GUF1: variants seen among roughly 807,000 people sequenced by gnomAD.
The protein encoded by GUF1 is GTP binding elongation factor GUF1.
GUF1 carries 78 observed loss-of-function variants against 82.4 expected under a neutral mutation model. The observed-to-expected ratio is 0.95, with a 90% CI of 0.79 to 1.14. The LOEUF is 1.14. Among genes scored for constraint, GUF1 ranks in the 50% most tolerant of loss-of-function variants. The pLI is 0.00. For synonymous variants in GUF1, 279 were observed against 282.3 expected (o/e 0.99, Z 0.12); for missense variants, 814 against 798.2 (o/e 1.02, Z -0.24).
chr4:44,679,152 C>T (rs745526688), intron 1 of GUF1, among the ~76,000 whole-genome samples: 3 of 152,172 alleles, frequency 2.0e-5, no homozygotes, highest in Non-Finnish European at 4.4e-5. Flanking sequence ...AATTAAGTAG[C>T]TATGTGGCCT....
intron 14 of GUF1, 32 bp from the exon 15 acceptor site, chr4:44,695,583 G>T (rs201184379): frequency 1.2e-4 from 192 of 1,574,658 alleles, no homozygotes; most frequent in East Asian, 6.3e-4. Flanking sequence ...TCTTATTTAG[G>T]ATATATAAAC....
At chr4:44,689,198 A>G in intron 9 of GUF1, 88 bp from the exon 10 acceptor site, 2 of 1,185,408 alleles carry the variant, frequency 1.7e-6, no homozygotes, top group Non-Finnish European at 1.1e-6. Context: ...GTAAATGACT[A>G]ATTTGGAACT....
chr4:44,689,521 G>A, intron 10 of GUF1, 112 bp downstream of exon 10: 1 of 1,152,264 alleles, frequency 8.7e-7, no homozygotes, highest in South Asian at 1.9e-5. Flanking sequence ...AAGTAAGGGA[G>A]GTATAAAATG....
intron 7 of GUF1, 116 bp from the exon 8 acceptor site, chr4:44,686,394 C>T (rs1378888059): frequency 3.6e-6 from 2 of 558,204 alleles, no homozygotes; most frequent in Non-Finnish European, 6.0e-6. Context: ...TTTATTTAGG[C>T]TGTTGTGTAT....
At position 44,680,486 on chromosome 4, in the gene GUF1, T is replaced by A; in HGVS notation, c.211T>A (p.Phe71Ile). ...SRFPVENIRN[F>I]SIVAHVDHGK... ...GTTTCCTGTTGAAAATATTAGAAAT[T>A]TCAGTATTGTTGCACACGTGGATCA... is the stretch of plus-strand genomic sequence containing the variant. Residue 71 changes from phenylalanine to isoleucine, a missense_variant, in exon 2 of 17, where the codon TTC becomes ATC. By Grantham distance (21) the Phe-to-Ile change is conservative. Transcript: ENST00000281543. 1 of 1,608,650 alleles carries A rather than the reference T, an allele frequency of 6.2e-7. No homozygotes were observed. Among genetic ancestry groups the A allele is most frequent in the Non-Finnish European group, 8.5e-7 (1 of 1,176,994 alleles).
rs760164245 is a variant in GUF1, at chr4:44,688,070, A to T, written c.1002A>T (p.Gly334=). ...AAGATGTCACTGAAGCGCAAATAGG[A>T]GATACATTATGTTTACATAAGCAAC... The part of the protein sequence containing the change: ...GMKDVTEAQI[G]DTLCLHKQPV... Residue 334 remains glycine, a synonymous_variant, in exon 9 of 17, where the codon GGA becomes GGT. Transcript: ENST00000281543. The T allele has an allele frequency of 6.2e-7, 1 of 1,612,426 alleles. No individual in the cohort carries two copies. Among genetic ancestry groups the T allele is most frequent in the Admixed American group, 1.7e-5 (1 of 59,934 alleles).
At chr4:44,692,642 CT>C (rs1481827767) in intron 13 of GUF1, among the ~76,000 whole-genome samples, 1 of 151,932 alleles carries the variant, frequency 6.6e-6, no homozygotes, top group Non-Finnish European at 1.5e-5. Flanking sequence ...GGAAGTTTAA[CT>C]TTATTTAATC....
chr4:44,692,929 G>T (rs1202210465), intron 13 of GUF1, among the ~76,000 whole-genome samples: 5 of 151,870 alleles, frequency 3.3e-5, no homozygotes, highest in South Asian at 2.1e-4. Flanking sequence ...TTGCATTTGG[G>T]TACTACTTTC....
At chr4:44,695,921 A>G (rs1715784010) in intron 15 of GUF1, among the ~76,000 whole-genome samples, 187 bp downstream of exon 15, 1 of 152,168 alleles carries the variant, frequency 6.6e-6, no homozygotes, top group African/African-American at 2.4e-5. Flanking sequence ...ATATAACAGC[A>G]CTGGGTGATG....
At chr4:44,694,102 C>T (rs1173434169) in intron 13 of GUF1, 1 of 287,272 alleles carries the variant, frequency 3.5e-6, no homozygotes, top group Non-Finnish European at 6.5e-6. Flanking sequence ...CCGAAGCCTC[C>T]CAGCTGCTGG....
At chr4:44,689,464 T>C (rs574710791) in intron 10 of GUF1, 55 bp downstream of exon 10, 2 of 1,484,324 alleles carry the variant, frequency 1.3e-6, no homozygotes, top group African/African-American at 1.4e-5. Context: ...TGGTGTATTT[T>C]AAAAATATTT....
At chr4:44,687,686 A>G (rs554703910) in intron 8 of GUF1, among the ~76,000 whole-genome samples, 1 of 152,114 alleles carries the variant, frequency 6.6e-6, no homozygotes, top group East Asian at 1.9e-4. Context: ...TCACAAGTGT[A>G]CTTATTATAA....
intron 15 of GUF1, among the ~76,000 whole-genome samples, chr4:44,696,920 C>T (rs1715862393): frequency 6.6e-6 from 1 of 152,148 alleles, no homozygotes; most frequent in South Asian, 2.1e-4. Flanking sequence ...CTAGAAATTT[C>T]TCAAACATTG....
At position 44,689,291 on chromosome 4, in the gene GUF1, T is replaced by C; in HGVS notation, c.1084T>C (p.Tyr362His). The part of the protein sequence containing the change: ...SAKPMVFAGM[Y>H]PLDQSEYNNL... Reference sequence around the variant, plus strand: ...AGAAATCATTGTATCCCCAGGAATGTATCCTCTAGACCAATCTGAATATAA... The same window carrying C: ...AGAAATCATTGTATCCCCAGGAATGCATCCTCTAGACCAATCTGAATATAA... Residue 362 changes from tyrosine (Y) to histidine (H), a missense_variant, in exon 10 of 17, where the codon TAT becomes CAT. Tyr to His is a moderately conservative substitution (Grantham distance 83, BLOSUM62 2). Transcript: ENST00000281543. 6.3e-7 allele frequency: 1 copy of C among 1,589,610 alleles called. No individual in the cohort carries two copies. Among genetic ancestry groups the C allele is most frequent in the Non-Finnish European group, 8.6e-7 (1 of 1,167,302 alleles).
At chr4:44,691,836 C>T (rs373499863) in intron 13 of GUF1, 37 bp downstream of exon 13, 1 of 1,478,966 alleles carries the variant, frequency 6.8e-7, no homozygotes, top group Non-Finnish European at 9.1e-7. Flanking sequence ...GCCTGACCAA[C>T]TTTTTTGAAA....
chr4:44,689,887 G>A lies in GUF1; in HGVS notation c.1247G>A (p.Arg416Gln), dbSNP rs758738277. 2.5e-6 allele frequency: 4 copies of A among 1,604,520 alleles called. No homozygotes were observed. Among genetic ancestry groups the A allele is most frequent in the East Asian group, 4.5e-5 (2 of 44,692 alleles). Residue 416 changes from arginine to glutamine, a missense_variant, in exon 11 of 17, where the codon CGA becomes CAA. Coordinates refer to ENST00000281543, the MANE Select transcript of GUF1 (RefSeq NM_021927.3). ...GLLHMEVFNQ[R>Q]LEQEYNASVI... ...TTGCACATGGAAGTTTTCAACCAGC[G>A]ACTGGAGCAAGAATATAATGCTTCT...
chr4:44,683,358 T>A (rs750176546), intron 6 of GUF1, 40 bp downstream of exon 6: 1 of 1,186,952 alleles, frequency 8.4e-7, no homozygotes, highest in Admixed American at 2.5e-5. Context: ...TTGAAAAAAG[T>A]CTCAAGTAAT....
chr4:44,690,485 A>T (rs1390016919), intron 11 of GUF1, among the ~76,000 whole-genome samples: 1 of 151,800 alleles, frequency 6.6e-6, no homozygotes, highest in Admixed American at 6.6e-5. Flanking sequence ...AACTTATTAG[A>T]CTATAATGTT....
In GUF1 at chr4:44,682,358, A is replaced by G; in HGVS notation, c.532A>G (p.Asn178Asp). 6.5e-7 allele frequency: 1 copy of G among 1,543,058 alleles called. No individual in the cohort carries two copies. The highest frequency in any genetic ancestry group is 1.3e-5 in the South Asian group (1 of 79,544). Reference sequence around the variant, plus strand: ...GGGAATTCAAGCCCAAACTGTAGCAAACTTCTTTCTTGCCTTCGAAGCACA... The same window carrying G: ...GGGAATTCAAGCCCAAACTGTAGCAGACTTCTTTCTTGCCTTCGAAGCACA... ...NEGIQAQTVA[N>D]FFLAFEAQLS... The change falls in exon 5 of 17, where the codon AAC becomes GAC. Residue 178 changes from asparagine (N) to aspartate (D), a missense_variant. By Grantham distance (23) the Asn-to-Asp change is conservative (BLOSUM62 1). Coordinates refer to ENST00000281543, the MANE Select transcript of GUF1 (RefSeq NM_021927.3).
Sources: allele counts gnomAD v4.1 joint callset (sites outside exome capture counted in the v4.1 genomes callset), GRCh38; gene constraint gnomAD v4.1.1; transcripts MANE v1.5; gene names NCBI Gene and HGNC (gene_info 2026-07-23, HGNC 2026-07-21).